SLC9A9: variants seen among roughly 807,000 people sequenced by gnomAD.
SLC9A9 encodes solute carrier family 9 member A9.
In SLC9A9, 62 loss-of-function variants were observed where a neutral mutation model predicts 77.8. That is an observed-to-expected ratio of 0.80 (90% confidence interval 0.65 to 0.98). SLC9A9 has a LOEUF of 0.98. SLC9A9 is among the 50% of genes least tolerant of loss of function. SLC9A9 has a pLI of 0.00. For missense variants in SLC9A9, 775 were observed against 774.9 expected, an observed-to-expected ratio of 1.00 and a Z score of 0.00; for synonymous variants, 320 against 283.5, an observed-to-expected ratio of 1.13 and a Z score of -1.29.
chr3:143,325,150 CT>C (rs1208768546), intron 14 of SLC9A9, among the ~76,000 whole-genome samples: 1 of 151,550 alleles, frequency 6.6e-6, no homozygotes, highest in Non-Finnish European at 1.5e-5. Context: ...AGATCACTCT[CT>C]GGTGGCCCTC....
intron 4 of SLC9A9, among the ~76,000 whole-genome samples, chr3:143,739,385 A>G (rs1385953601): frequency 6.6e-6 from 1 of 152,196 alleles, no homozygotes; most frequent in Non-Finnish European, 1.5e-5. Context: ...CTTCCATATC[A>G]TAGTGAAGGA....
At chr3:143,390,757 C>T (rs1052616500) in intron 12 of SLC9A9, among the ~76,000 whole-genome samples, 52 of 152,214 alleles carry the variant, frequency 3.4e-4, no homozygotes, top group Admixed American at 6.5e-5. Flanking sequence ...CACCCTAATA[C>T]CACACTTTTC....
intron 9 of SLC9A9, among the ~76,000 whole-genome samples, chr3:143,529,670 T>G (rs1028593457): frequency 2.0e-5 from 3 of 152,212 alleles, no homozygotes; most frequent in African/African-American, 7.2e-5. Context: ...GATTACTGGC[T>G]TCTAGGGAGA....
intron 2 of SLC9A9, among the ~76,000 whole-genome samples, chr3:143,812,781 G>A (rs1350474409): frequency 1.3e-5 from 2 of 152,182 alleles, no homozygotes; most frequent in Admixed American, 1.3e-4. Context: ...ATTAAAGGAA[G>A]TCAGAGCCAT....
intron 4 of SLC9A9, among the ~76,000 whole-genome samples, chr3:143,716,865 G>C (rs1224652160): frequency 6.6e-6 from 1 of 152,186 alleles, no homozygotes; most frequent in Non-Finnish European, 1.5e-5. Flanking sequence ...CTCTTTTGCT[G>C]TTGGCTTGCA....
In SLC9A9 at chr3:143,429,680, C is replaced by T. The variant is rs183805000; in HGVS notation, c.1469+37357G>A. Among the ~76,000 whole-genome samples, 164 of 152,278 alleles carry T rather than the reference C, an allele frequency of 1.1e-3. 3 individuals carry two copies. The highest frequency in any genetic ancestry group is 6.8e-3 in the Middle Eastern group (2 of 294). ...ACATCAGATACCTGCTTGCAGAGGT[C>T]TGAGAGGAGGGGAGTGCACACCCAG... is the stretch of plus-strand genomic sequence containing the variant. On this transcript the variant is annotated intron_variant, in intron 12 of 15. Transcript: ENST00000316549.
In SLC9A9 at chr3:143,785,887, C is replaced by T. The variant is rs1457406129; in HGVS notation, c.533+9114G>A. 1.9e-4 allele frequency among the ~76,000 whole-genome samples: 22 copies of T among 115,736 alleles called. No individual in the cohort carries two copies. The South Asian group carries it at 2.3e-3, about 12-fold the overall frequency. 75.9% of individuals were successfully genotyped at this position (115,736 alleles called of 152,430 possible). A position where few individuals can be genotyped will look rare whatever the true frequency, so the allele number is the denominator to read the frequency against. Reference sequence around the variant, plus strand: ...TTTTTTTTTTTTTGAGACGGAGTTTCGCTCTGTCGCCCAGGCTGGAGTGCA... The same window carrying T: ...TTTTTTTTTTTTTGAGACGGAGTTTTGCTCTGTCGCCCAGGCTGGAGTGCA... On this transcript the variant is annotated intron_variant, in intron 4 of 15. Coordinates refer to ENST00000316549, the MANE Select transcript of SLC9A9 (RefSeq NM_173653.4).
At chr3:143,483,240 A>G (rs1175798261) in intron 11 of SLC9A9, among the ~76,000 whole-genome samples, 2 of 152,188 alleles carry the variant, frequency 1.3e-5, no homozygotes, top group African/African-American at 4.8e-5. Flanking sequence ...CCAGGTGAGA[A>G]ATTCAGTGTG....
In SLC9A9 at chr3:143,737,832, G is replaced by A. The variant is rs1044059296; in HGVS notation, c.534-44525C>T. On this transcript the variant is annotated intron_variant, in intron 4 of 15. Transcript: ENST00000316549. ...CAGAATACCCAGTCTCAGTCACCCC[G>A]GCCCGAGATTTTACCATCAGCAACA... 5.3e-5 allele frequency among the ~76,000 whole-genome samples: 8 copies of A among 152,096 alleles called. No individual in the cohort carries two copies. In the East Asian group the frequency reaches 5.8e-4, roughly 11 times the overall value.
chr3:143,799,603 C>A (rs958082764), intron 2 of SLC9A9, among the ~76,000 whole-genome samples: 1 of 152,228 alleles, frequency 6.6e-6, no homozygotes, highest in South Asian at 2.1e-4. Flanking sequence ...GCCCGCAGAC[C>A]AGGATTCCTC....
intron 12 of SLC9A9, among the ~76,000 whole-genome samples, chr3:143,428,823 G>A (rs1027063700): frequency 1.3e-5 from 2 of 152,294 alleles, no homozygotes; most frequent in Non-Finnish European, 2.9e-5. Flanking sequence ...AGGTAAAGAA[G>A]CCAGACACTG....
At chr3:143,398,154 G>A (rs1013321236) in intron 12 of SLC9A9, among the ~76,000 whole-genome samples, 4 of 152,140 alleles carry the variant, frequency 2.6e-5, no homozygotes, top group Non-Finnish European at 5.9e-5. Context: ...GGGAAAGATG[G>A]TTTCTAAGAT....
chr3:143,464,880 G>A (rs1182736178), intron 12 of SLC9A9, among the ~76,000 whole-genome samples: 1 of 152,030 alleles, frequency 6.6e-6, no homozygotes, highest in African/African-American at 2.4e-5. Context: ...TTACTTCCTG[G>A]GTGCCCACAA....
chr3:143,601,730 G>C (rs1385106255), intron 6 of SLC9A9, among the ~76,000 whole-genome samples: 2 of 152,218 alleles, frequency 1.3e-5, no homozygotes, highest in Non-Finnish European at 2.9e-5. Flanking sequence ...GAATCTATTG[G>C]AAGGTAATTT....
intron 9 of SLC9A9, among the ~76,000 whole-genome samples, chr3:143,518,678 T>C (rs1450165243): frequency 6.6e-6 from 1 of 152,236 alleles, no homozygotes; most frequent in Non-Finnish European, 1.5e-5. Context: ...CAAAATTTAG[T>C]TCTTGAAATT....
chr3:143,816,638 G>A (rs1352832770), intron 2 of SLC9A9, among the ~76,000 whole-genome samples: 1 of 152,138 alleles, frequency 6.6e-6, no homozygotes. Flanking sequence ...ACTTAAGTCT[G>A]TGTATACATG....
rs191997676 is a variant in SLC9A9, at chr3:143,805,429, T to G, written c.379-8526A>C. Among the ~76,000 whole-genome samples the G allele has an allele frequency of 4.3e-3, 651 of 152,218 alleles. 1 individual carries two copies. Among genetic ancestry groups the G allele is most frequent in the Non-Finnish European group, 5.1e-3 (346 of 68,020 alleles). Reference sequence around the variant, plus strand: ...AAAAAATTTTTGCTGCCCCAACACTTCAATACTATTTTATGTTATTTTTCT... The same window carrying G: ...AAAAAATTTTTGCTGCCCCAACACTGCAATACTATTTTATGTTATTTTTCT... On this transcript the variant is annotated intron_variant, in intron 2 of 15. Transcript: ENST00000316549.
At chr3:143,735,002 C>A (rs929565671) in intron 4 of SLC9A9, among the ~76,000 whole-genome samples, 1 of 152,116 alleles carries the variant, frequency 6.6e-6, no homozygotes, top group Non-Finnish European at 1.5e-5. Flanking sequence ...TGGCCACAGC[C>A]CAGTTGAATC....
At chr3:143,414,283 C>A (rs544403032) in intron 12 of SLC9A9, among the ~76,000 whole-genome samples, 2 of 152,252 alleles carry the variant, frequency 1.3e-5, no homozygotes, top group African/African-American at 2.4e-5. Flanking sequence ...GTGTATATGT[C>A]TGCATATCTA....
Sources: allele counts gnomAD v4.1 joint callset (sites outside exome capture counted in the v4.1 genomes callset), GRCh38; gene constraint gnomAD v4.1.1; transcripts MANE v1.5; gene names NCBI Gene and HGNC (gene_info 2026-07-23, HGNC 2026-07-21).